FRMPD4: variants seen among roughly 807,000 people sequenced by gnomAD.
FRMPD4 encodes the protein FERM and PDZ domain containing 4, also known as FERM and PDZ domain-containing protein 4.
Under a neutral mutation model 94.1 loss-of-function variants are expected in FRMPD4, and 22 were observed. That is an observed-to-expected ratio of 0.23 (90% confidence interval 0.17 to 0.33). FRMPD4 has a LOEUF of 0.33. Among genes scored for constraint, FRMPD4 ranks in the 10% least tolerant of loss-of-function variants. The probability of loss-of-function intolerance (pLI) is 1.00; values close to 1 mark genes in which losing one functional copy is unlikely to be tolerated. For synonymous variants in FRMPD4, 631 were observed against 548.6 expected, an observed-to-expected ratio of 1.15 and a Z score of -2.10; for missense variants, 1,111 against 1,339.9, an observed-to-expected ratio of 0.83 and a Z score of 2.67.
chrX:12,678,128 A>G (rs773645336), intron 5 of FRMPD4, among the ~76,000 whole-genome samples: 2 of 112,283 alleles, frequency 1.8e-5, no homozygotes, highest in South Asian at 7.4e-4. Context: ...ATATATCATA[A>G]ACATTTCCTA....
chrX:12,020,336 G>A (rs1353601096), intron 3 of FRMPD4, among the ~76,000 whole-genome samples: 3 of 112,377 alleles, frequency 2.7e-5, no homozygotes, highest in African/African-American at 6.5e-5. Flanking sequence ...GCTTAACACA[G>A]TGAAGTTTAT....
chrX:12,197,616 TTGAG>T (rs2056581924), intron 1 of FRMPD4, among the ~76,000 whole-genome samples: 1 of 111,934 alleles, frequency 8.9e-6, no homozygotes, highest in Non-Finnish European at 1.9e-5. Flanking sequence ...GGTGACTTTC[TTGAG>T]TGTGTGTTGA....
rs192231657 is a variant in FRMPD4 at position 11,959,744 on chromosome X, C to A, written c.95+81726C>A. ...GGTAGTTAGTGAAGGGTGGTTATAA[C>A]TAGCCATGTCTGACCTCCCAACCTG... is the stretch of plus-strand genomic sequence containing the variant. On this transcript the variant is annotated intron_variant, in intron 3 of 18. Coordinates refer to the FRMPD4 transcript ENST00000640291. Among the ~76,000 whole-genome samples the A allele has an allele frequency of 1.1e-4, 12 of 111,417 alleles. No individual in the cohort carries two copies. In the East Asian group the frequency reaches 3.1e-3, roughly 29 times the overall value.
At chrX:12,403,836 C>A (rs1395352857) in intron 1 of FRMPD4, among the ~76,000 whole-genome samples, 7 of 111,264 alleles carry the variant, frequency 6.3e-5, no homozygotes, top group African/African-American at 2.3e-4. Context: ...TGATGTATGA[C>A]CCCCCTCAGT....
At chrX:12,545,623 G>C in intron 2 of FRMPD4, among the ~76,000 whole-genome samples, 1 of 112,817 alleles carries the variant, frequency 8.9e-6, no homozygotes, top group Non-Finnish European at 1.9e-5. Flanking sequence ...AGGCTGGGGG[G>C]ATGGGCTGTG....
intron 2 of FRMPD4, chrX:12,583,532 G>A: frequency 9.7e-7 from 1 of 1,034,978 alleles, no homozygotes; most frequent in Non-Finnish European, 1.3e-6. Flanking sequence ...CCCATATTAT[G>A]ATCCTCATAA....
intron 1 of FRMPD4, among the ~76,000 whole-genome samples, chrX:12,436,227 A>T (rs2057065693): frequency 9.0e-6 from 1 of 111,277 alleles, no homozygotes; most frequent in African/African-American, 3.3e-5. Context: ...GCGGTCTCAA[A>T]CTCCTGGCCT....
intron 3 of FRMPD4, among the ~76,000 whole-genome samples, chrX:11,961,040 GT>G (rs1408391268): frequency 8.9e-6 from 1 of 111,825 alleles, no homozygotes; most frequent in African/African-American, 3.2e-5. Flanking sequence ...CTGTGGAGGT[GT>G]TTTTTTCTCT....
intron 1 of FRMPD4, among the ~76,000 whole-genome samples, chrX:12,246,717 T>C (rs2053963892): frequency 9.0e-6 from 1 of 111,058 alleles, no homozygotes. Context: ...AGGAGATACA[T>C]ATTGCATGAG....
chrX:12,270,368 C>T (rs2054337555), intron 1 of FRMPD4, among the ~76,000 whole-genome samples: 1 of 111,451 alleles, frequency 9.0e-6, no homozygotes, highest in South Asian at 3.7e-4. Context: ...ACTATCTGTC[C>T]ATCTGGTTGA....
chrX:12,565,068 CAGAG>C (rs766167282), intron 2 of FRMPD4, among the ~76,000 whole-genome samples: 2 of 80,625 alleles, frequency 2.5e-5, no homozygotes, highest in Admixed American at 1.4e-4. Flanking sequence ...GCCTGGGTGA[CAGAG>C]AGAGACTCAG....
chrX:11,889,622 A>C (rs1255298005), intron 3 of FRMPD4, among the ~76,000 whole-genome samples: 1 of 112,507 alleles, frequency 8.9e-6, no homozygotes, highest in Admixed American at 9.4e-5. Flanking sequence ...ATCCTAAGAC[A>C]CAATGGCTTA....
chrX:11,857,169 A>G (rs2053658326), intron 1 of FRMPD4, among the ~76,000 whole-genome samples: 1 of 111,907 alleles, frequency 8.9e-6, no homozygotes, highest in African/African-American at 3.2e-5. Context: ...TTCCTATTAA[A>G]CTACCATTAA....
chrX:12,421,879 G>A (rs1156859487), intron 1 of FRMPD4, among the ~76,000 whole-genome samples: 1 of 110,040 alleles, frequency 9.1e-6, no homozygotes, highest in Non-Finnish European at 1.9e-5. Context: ...TCCGGTTCTT[G>A]CCTTGGATAT....
chrX:12,446,309 C>T (rs949332736), intron 1 of FRMPD4, among the ~76,000 whole-genome samples: 1 of 112,315 alleles, frequency 8.9e-6, no homozygotes, highest in African/African-American at 3.2e-5. Context: ...TTTAACTTTT[C>T]ATACTAGCCA....
intron 4 of FRMPD4, among the ~76,000 whole-genome samples, chrX:12,629,887 T>C (rs1253695751): frequency 1.8e-5 from 2 of 112,330 alleles, no homozygotes; most frequent in Non-Finnish European, 3.8e-5. Context: ...CAAGCCTGGG[T>C]ATCCAATCAA....
At chrX:12,142,535 CA>C (rs1173929631) in intron 1 of FRMPD4, among the ~76,000 whole-genome samples, 2 of 111,419 alleles carry the variant, frequency 1.8e-5, no homozygotes, top group African/African-American at 3.3e-5. Flanking sequence ...GAAAAAACCC[CA>C]AAGACTCTGG....
rs143582694 is a variant in FRMPD4 at position 12,095,375 on chromosome X, C to G, written c.95+217357C>G. 9.1e-4 allele frequency among the ~76,000 whole-genome samples: 82 copies of G among 90,343 alleles called. 1 individual carries two copies. In the East Asian group the frequency reaches 0.031, roughly 35 times the overall value. 78.5% of individuals were successfully genotyped at this position (90,343 alleles called of 115,157 possible). ...CCTGGGTGAGAGTAAGACTCTCTGTCTCAAAAAAAAAAAAAAAATACTATT... is the reference window on the plus strand; with the variant it reads ...CCTGGGTGAGAGTAAGACTCTCTGTGTCAAAAAAAAAAAAAAAATACTATT... On this transcript the variant is annotated intron_variant, in intron 3 of 18. Coordinates refer to the FRMPD4 transcript ENST00000640291.
At chrX:11,916,517 C>T (rs1411142343) in intron 3 of FRMPD4, among the ~76,000 whole-genome samples, 1 of 110,514 alleles carries the variant, frequency 9.0e-6, no homozygotes, top group Non-Finnish European at 1.9e-5. Flanking sequence ...GGTACGTGTT[C>T]AGCATGAATT....
Sources: gnomAD v4.1 joint callset for allele counts (sites outside exome capture counted in the v4.1 genomes callset) on GRCh38, gnomAD v4.1.1 for gene constraint, MANE v1.5 for transcripts, NCBI Gene and HGNC (gene_info 2026-07-23, HGNC 2026-07-21) for gene names.